Variants in PDE11A observed in about 807,000 individuals in gnomAD.
The protein encoded by PDE11A is phosphodiesterase 11A.
PDE11A carries 100 observed loss-of-function variants against 100.5 expected under a neutral mutation model. That is an observed-to-expected ratio of 1.00 (90% CI 0.85 to 1.18). The LOEUF is 1.18. PDE11A is among the 50% of genes most tolerant of loss of function. The probability of loss-of-function intolerance (pLI) is 0.00; values close to 1 mark genes in which losing one functional copy is unlikely to be tolerated. For missense variants in PDE11A, 1,141 were observed against 1,152.6 expected (o/e 0.99, Z 0.15); for synonymous variants, 381 against 420.8 (o/e 0.91, Z 1.16).
At chr2:177,945,391 C>T (rs1483512833) in intron 2 of PDE11A, among the ~76,000 whole-genome samples, 17 of 143,660 alleles carry the variant, frequency 1.2e-4, no homozygotes, top group Non-Finnish European at 3.1e-5. Flanking sequence ...CTCTTCCCAG[C>T]CGCCATCACA....
In PDE11A at chr2:177,962,819, CAG is replaced by C. The variant is rs367699146; in HGVS notation, c.1071+51481_1071+51482del. On this transcript the variant is annotated intron_variant, in intron 2 of 19. Coordinates refer to ENST00000286063, the MANE Select transcript of PDE11A (RefSeq NM_016953.4). ...TCATAAAAATGAACACAAGTAAACT[CAG>C]GGGGAGATAATAAAAAGCTAAAGAA... Among the ~76,000 whole-genome samples the C allele has an allele frequency of 6.1e-3, 890 of 146,246 alleles. 4 individuals carry two copies. The highest frequency in any genetic ancestry group is 0.019 in the African/African-American group (737 of 37,824).
chr2:177,922,568 G>T, intron 2 of PDE11A: 1 of 407,410 alleles, frequency 2.5e-6, no homozygotes, highest in Non-Finnish European at 3.3e-6. Flanking sequence ...ACAAAGGGCT[G>T]AACCCAAAAA....
chr2:177,929,458 G>A (rs963041229), intron 2 of PDE11A, among the ~76,000 whole-genome samples: 1 of 152,162 alleles, frequency 6.6e-6, no homozygotes, highest in Non-Finnish European at 1.5e-5. Context: ...CTGAGTAACT[G>A]TATGCTATAA....
intron 1 of PDE11A, among the ~76,000 whole-genome samples, chr2:178,051,332 G>T (rs2086824201): frequency 6.6e-6 from 1 of 152,190 alleles, no homozygotes; most frequent in Non-Finnish European, 1.5e-5. Flanking sequence ...CACCAGGCCT[G>T]CCTTACAAGA....
At chr2:178,022,251 T>G (rs1293339861) in intron 1 of PDE11A, among the ~76,000 whole-genome samples, 1 of 152,152 alleles carries the variant, frequency 6.6e-6, no homozygotes, top group Non-Finnish European at 1.5e-5. Flanking sequence ...CTGATTAATT[T>G]GGAAGGCTGT....
chr2:177,688,086 A>C (rs2080982013), intron 15 of PDE11A: 1 of 152,196 alleles, frequency 6.6e-6, no homozygotes, highest in African/African-American at 2.4e-5. Flanking sequence ...TGTAGCATAA[A>C]CCTTTGGGCC....
intron 18 of PDE11A, among the ~76,000 whole-genome samples, chr2:177,668,404 T>A (rs2080622001): frequency 6.6e-6 from 1 of 152,164 alleles, no homozygotes; most frequent in Non-Finnish European, 1.5e-5. Flanking sequence ...CAAGCTAATA[T>A]TTTTATTTTT....
At chr2:177,964,276 TCC>T (rs1310819099) in intron 2 of PDE11A, among the ~76,000 whole-genome samples, 18 of 152,254 alleles carry the variant, frequency 1.2e-4, no homozygotes, top group African/African-American at 3.9e-4. Flanking sequence ...TATCCACCAA[TCC>T]CTCAATTATA....
chr2:177,905,324 G>A, intron 2 of PDE11A, 137 bp from the exon 3 acceptor site: 1 of 583,046 alleles, frequency 1.7e-6, no homozygotes, highest in Non-Finnish European at 3.1e-6. Context: ...ACAGAGAGTT[G>A]TTGATACTAG....
At chr2:177,848,714 T>A (rs973658326) in intron 5 of PDE11A, among the ~76,000 whole-genome samples, 1 of 152,098 alleles carries the variant, frequency 6.6e-6, no homozygotes, top group Non-Finnish European at 1.5e-5. Flanking sequence ...GCCGGTGAGG[T>A]ATATATAAAC....
At chr2:177,670,679 G>C (rs1465779598) in intron 17 of PDE11A, among the ~76,000 whole-genome samples, 1 of 152,174 alleles carries the variant, frequency 6.6e-6, no homozygotes, top group South Asian at 2.1e-4. Context: ...CAAGTGCACA[G>C]TATCAAGATA....
At chr2:177,780,284 C>T (rs1390772108) in intron 9 of PDE11A, among the ~76,000 whole-genome samples, 1 of 152,124 alleles carries the variant, frequency 6.6e-6, no homozygotes, top group African/African-American at 2.4e-5. Context: ...GGGAATCTCA[C>T]TCTGTCACCC....
chr2:177,753,484 C>T (rs1574107798), intron 10 of PDE11A, among the ~76,000 whole-genome samples: 1 of 151,896 alleles, frequency 6.6e-6, no homozygotes, highest in African/African-American at 2.4e-5. Context: ...TATTCAAGGC[C>T]CAGGCAACCC....
intron 15 of PDE11A, among the ~76,000 whole-genome samples, chr2:177,691,736 G>A (rs1045983534): frequency 6.6e-6 from 1 of 152,038 alleles, no homozygotes. Context: ...GGCCCAGAGA[G>A]TAATGAGTAT....
chr2:177,963,433 A>G (rs1199065459), intron 2 of PDE11A, among the ~76,000 whole-genome samples: 2 of 152,222 alleles, frequency 1.3e-5, no homozygotes, highest in Non-Finnish European at 2.9e-5. Context: ...AGATCTTTAA[A>G]GGTTCCTACT....
chr2:177,968,106 T>A (rs1366147070), intron 2 of PDE11A, among the ~76,000 whole-genome samples: 4 of 152,172 alleles, frequency 2.6e-5, no homozygotes, highest in African/African-American at 9.7e-5. Context: ...TAGGTGTTTA[T>A]CAGACGAGGT....
Position 178,038,564 on chromosome 2 carries a change from A to G in PDE11A, c.913-24104T>C, listed in dbSNP as rs2086645045. Among the ~76,000 whole-genome samples, 3 of 152,204 alleles carry G rather than the reference A, an allele frequency of 2.0e-5. No homozygotes were observed. The South Asian group carries it at 6.2e-4, about 32-fold the overall frequency. On this transcript the variant is annotated intron_variant, in intron 1 of 19. Transcript: ENST00000286063. ...TAAGAAAAAAGCAAATTCAATAGGA[A>G]AAAATGGGCCAATGACATGGACCAG...
At chr2:177,710,471 C>A (rs538038581) in intron 13 of PDE11A, among the ~76,000 whole-genome samples, 1 of 152,048 alleles carries the variant, frequency 6.6e-6, no homozygotes, top group African/African-American at 2.4e-5. Context: ...AGACTGGCAG[C>A]GAGTTCTAGC....
chr2:177,926,528 G>C (rs1348074061), intron 2 of PDE11A, among the ~76,000 whole-genome samples: 6 of 152,276 alleles, frequency 3.9e-5, no homozygotes, highest in Non-Finnish European at 7.4e-5. Flanking sequence ...TTAAGGCACT[G>C]AGGGCGAACA....
Sources: allele counts gnomAD v4.1 joint callset (sites outside exome capture counted in the v4.1 genomes callset), GRCh38; gene constraint gnomAD v4.1.1; transcripts MANE v1.5; gene names NCBI Gene and HGNC (gene_info 2026-07-23, HGNC 2026-07-21).